The following PRRC2C variants were observed in gnomAD, a reference collection of about 807,000 sequenced individuals.
PRRC2C encodes the protein protein PRRC2C.
A neutral mutation model predicts 317.2 loss-of-function variants in PRRC2C; 72 were observed. The observed-to-expected ratio is 0.23, with a 90% CI of 0.19 to 0.28. PRRC2C has a LOEUF of 0.28. Ranked by LOEUF, PRRC2C falls within the 10% of genes least tolerant of loss-of-function variation. PRRC2C has a pLI of 1.00. For missense variants in PRRC2C, 3,074 were observed against 3,459.7 expected, an observed-to-expected ratio of 0.89 and a Z score of 2.80; for synonymous variants, 1,296 against 1,205.9, an observed-to-expected ratio of 1.07 and a Z score of -1.55.
chr1:171,547,633 CTTTTTTTTTTTTGTT>C (rs1679368098), intron 17 of PRRC2C, among the ~76,000 whole-genome samples: 2 of 129,840 alleles, frequency 1.5e-5, no homozygotes, highest in Admixed American at 1.6e-4. Flanking sequence ...AGTTTCCCTT[CTTTTTTTTTTTTGTT>C]TTTTTTTTTT....
Position 171,586,986 on chromosome 1 carries a change from C to T in PRRC2C, c.7750-17C>T. On this transcript the variant is annotated splice_polypyrimidine_tract_variant and intron_variant, in intron 30 of 34. Coordinates refer to ENST00000647382, the MANE Select transcript of PRRC2C (RefSeq NM_001387844.1). ...ACAGAAACAAATTGCTTCAGTTTCTCTTTACTTATTTTCTAGGTTACAGTA... is the reference window on the plus strand; with the variant it reads ...ACAGAAACAAATTGCTTCAGTTTCTTTTTACTTATTTTCTAGGTTACAGTA... The T allele has an allele frequency of 6.5e-7, 1 of 1,548,638 alleles. No homozygotes were observed. Among genetic ancestry groups the T allele is most frequent in the Non-Finnish European group, 8.8e-7 (1 of 1,131,938 alleles).
At chr1:171,506,745 T>C (rs990547080) in intron 1 of PRRC2C, among the ~76,000 whole-genome samples, 8 of 151,174 alleles carry the variant, frequency 5.3e-5, no homozygotes, top group Non-Finnish European at 1.0e-4. Flanking sequence ...AGTTTTCTTT[T>C]TCATAAAGGG....
chr1:171,566,380 C>T lies in PRRC2C; in HGVS notation c.6265C>T (p.Arg2089Trp), dbSNP rs776607475. The part of the protein sequence containing the change: ...ADKIPEPKEQ[R>W]QKQPRAGPIK... ...CAAAATACCTGAACCTAAAGAACAGCGGCAGAAGCAGCCACGAGCAGGACC... is the reference window on the plus strand; with the variant it reads ...CAAAATACCTGAACCTAAAGAACAGTGGCAGAAGCAGCCACGAGCAGGACC... Residue 2089 changes from arginine (R) to tryptophan (W), a missense_variant, in exon 21 of 35, where the codon CGG becomes TGG. By Grantham distance (101) the Arg-to-Trp change is moderately radical. Transcript: ENST00000647382. 35 of 1,588,870 alleles carry T rather than the reference C, an allele frequency of 2.2e-5. No homozygotes were observed. The highest frequency in any genetic ancestry group is 2.8e-5 in the Non-Finnish European group (33 of 1,167,588).
chr1:171,530,866 A>G (rs957468370), intron 11 of PRRC2C, among the ~76,000 whole-genome samples: 4 of 152,238 alleles, frequency 2.6e-5, no homozygotes, highest in African/African-American at 9.6e-5. Flanking sequence ...TCTATTTACC[A>G]TATGACACAG....
At chr1:171,511,506 C>G (rs1258369054) in intron 1 of PRRC2C, 1 of 151,512 alleles carries the variant, frequency 6.6e-6, no homozygotes, top group Non-Finnish European at 1.5e-5. Context: ...TTTTATATAC[C>G]TTGTGTTTGT....
At chr1:171,536,317 A>AT (rs777479094) in intron 14 of PRRC2C, 39 bp downstream of exon 14, 64 of 1,574,634 alleles carry the variant, frequency 4.1e-5, no homozygotes, top group Admixed American at 2.1e-4. Flanking sequence ...CAGGATCAAA[A>AT]TTTTTTTTTC....
chr1:171,532,251 A>C, intron 11 of PRRC2C, 92 bp from the exon 12 acceptor site: 1 of 1,340,006 alleles, frequency 7.5e-7, no homozygotes, highest in Non-Finnish European at 1.0e-6. Flanking sequence ...AATTTCTGAT[A>C]TTTTTGTGGG....
At chr1:171,492,655 G>C (rs1667369031) in intron 1 of PRRC2C, among the ~76,000 whole-genome samples, 1 of 152,166 alleles carries the variant, frequency 6.6e-6, no homozygotes, top group South Asian at 2.1e-4. Context: ...TCAGTAGTGG[G>C]ATAGCCATTG....
intron 15 of PRRC2C, among the ~76,000 whole-genome samples, chr1:171,538,928 C>G (rs1677361481): frequency 6.6e-6 from 1 of 151,696 alleles, no homozygotes; most frequent in East Asian, 1.9e-4. Context: ...CCTGGCTGGT[C>G]TCAAACTCCT....
At chr1:171,519,003 C>T (rs1323883566) in intron 6 of PRRC2C, among the ~76,000 whole-genome samples, 1 of 151,640 alleles carries the variant, frequency 6.6e-6, no homozygotes, top group Non-Finnish European at 1.5e-5. Flanking sequence ...CTAGCCTTAG[C>T]CTCCTGAGTA....
Position 171,549,979 on chromosome 1 carries a change from C to G in PRRC2C, c.4973-107C>G, listed in dbSNP as rs547679847. 5.4e-4 allele frequency: 446 copies of G among 821,860 alleles called. 1 individual carries two copies. The highest frequency in any genetic ancestry group is 9.0e-4 in the South Asian group (34 of 37,652). The allele number at this position is 821,860 out of a possible 1,614,324, so 50.9% of individuals were successfully genotyped here. ...TACACTATAAGTTATAGGAACTAGG[C>G]CTTTGGCTAGTTTTTTTTTTTTTTT... On this transcript the variant is annotated intron_variant, in intron 17 of 34. Transcript: ENST00000647382.
rs762153875 is a variant in PRRC2C at position 171,537,314 on chromosome 1, C to T, written c.2345C>T (p.Pro782Leu). 2.5e-6 allele frequency: 4 copies of T among 1,600,862 alleles called. No individual in the cohort carries two copies. Among genetic ancestry groups the T allele is most frequent in the East Asian group, 2.2e-5 (1 of 44,596 alleles). The change falls in exon 15 of 35, where the codon CCG becomes CTG. Residue 782 changes from proline (P) to leucine (L), a missense_variant. Pro to Leu is a moderately conservative substitution (Grantham distance 98). This residue lies in a region of PRRC2C where 1,320 missense variants were observed against 1,395.7 expected (regional missense o/e 0.95). Coordinates refer to ENST00000647382, the MANE Select transcript of PRRC2C (RefSeq NM_001387844.1). Reference sequence around the variant, plus strand: ...AGAAGAGACCAGATGGAAGGGTCACCGAACAGTTCTGAGTCATTTGAGCAT... The same window carrying T: ...AGAAGAGACCAGATGGAAGGGTCACTGAACAGTTCTGAGTCATTTGAGCAT... ...LMRRDQMEGS[P>L]NSSESFEHIA... is the part of the protein sequence containing the mutation.
At chr1:171,579,637 G>T (rs1648055349) in intron 27 of PRRC2C, among the ~76,000 whole-genome samples, 171 bp downstream of exon 27, 1 of 152,180 alleles carries the variant, frequency 6.6e-6, no homozygotes, top group Non-Finnish European at 1.5e-5. Context: ...AAGCTTAATA[G>T]TAATAATGTA....
At chr1:171,557,163 G>A (rs963007408) in intron 18 of PRRC2C, 77 bp from the exon 19 acceptor site, 11 of 1,458,440 alleles carry the variant, frequency 7.5e-6, no homozygotes, top group African/African-American at 4.3e-5. Context: ...GTTAGTGGGA[G>A]TTGTTAAAAG....
chr1:171,494,881 G>A (rs1667844781), intron 1 of PRRC2C, among the ~76,000 whole-genome samples: 1 of 152,070 alleles, frequency 6.6e-6, no homozygotes. Flanking sequence ...TAGGAGTGGT[G>A]AGGGATATCC....
chr1:171,508,104 A>G (rs1670597376), intron 1 of PRRC2C, among the ~76,000 whole-genome samples: 1 of 152,156 alleles, frequency 6.6e-6, no homozygotes, highest in Non-Finnish European at 1.5e-5. Flanking sequence ...GGATAGTTTT[A>G]CTTCCCTTCT....
At chr1:171,558,391 T>C (rs1461050960) in intron 19 of PRRC2C, among the ~76,000 whole-genome samples, 2 of 148,222 alleles carry the variant, frequency 1.3e-5, no homozygotes, top group African/African-American at 5.0e-5. Flanking sequence ...GGGGGTCTTG[T>C]ACATGCATAT....
rs1332959796 is a variant in PRRC2C at position 171,540,668 on chromosome 1, C to G, written c.3202C>G (p.Gln1068Glu). ...TCTTCCTCCTCCCCCACCACCACCT[C>G]AGCCACCAGCACCAATTCAGCCACA... ...KDLPPPPPPP[Q>E]PPAPIQPQSV... Residue 1068 changes from glutamine to glutamate, a missense_variant, in exon 16 of 35, where the codon CAG becomes GAG. Transcript: ENST00000647382. 8 of 1,613,876 alleles carry G rather than the reference C, an allele frequency of 5.0e-6. No homozygotes were observed. The African/African-American group carries it at 9.3e-5, about 19-fold the overall frequency.
chr1:171,495,024 T>C (rs778932647), intron 1 of PRRC2C, among the ~76,000 whole-genome samples: 12 of 152,254 alleles, frequency 7.9e-5, no homozygotes, highest in Non-Finnish European at 1.3e-4. Flanking sequence ...TTTAGTTTAA[T>C]GTAACTTACT....
Sources: allele counts gnomAD v4.1 joint callset (sites outside exome capture counted in the v4.1 genomes callset), GRCh38; gene constraint gnomAD v4.1.1; regional missense constraint gnomAD v4.1.1; transcripts MANE v1.5; gene names NCBI Gene and HGNC (gene_info 2026-07-23, HGNC 2026-07-21).